DOCK3: variants seen among roughly 807,000 people sequenced by gnomAD.
DOCK3 encodes dedicator of cytokinesis protein 3.
A neutral mutation model predicts 265.6 loss-of-function variants in DOCK3; 60 were observed. That is an observed-to-expected ratio of 0.23 (90% CI 0.18 to 0.28). The LOEUF (loss-of-function observed/expected upper bound fraction) is 0.28. DOCK3 is among the 10% of genes least tolerant of loss of function. DOCK3 has a pLI of 1.00. For synonymous variants in DOCK3, 881 were observed against 938.0 expected, an observed-to-expected ratio of 0.94 and a Z score of 1.11; for missense variants, 1,981 against 2,594.3, an observed-to-expected ratio of 0.76 and a Z score of 5.14.
At chr3:50,751,222 A>G (rs1367887078) in intron 1 of DOCK3, among the ~76,000 whole-genome samples, 1 of 151,976 alleles carries the variant, frequency 6.6e-6, no homozygotes, top group African/African-American at 2.4e-5. Context: ...TGACTTTTTT[A>G]TATGTCCTTT....
At chr3:50,976,659 CT>C (rs2077462267) in intron 5 of DOCK3, among the ~76,000 whole-genome samples, 1 of 151,974 alleles carries the variant, frequency 6.6e-6, no homozygotes, top group Admixed American at 6.6e-5. Context: ...TCTATTAGGT[CT>C]GCTTGGTGCA....
chr3:51,368,975 G>C (rs1324975154), intron 49 of DOCK3, among the ~76,000 whole-genome samples: 1 of 152,202 alleles, frequency 6.6e-6, no homozygotes, highest in Non-Finnish European at 1.5e-5. Flanking sequence ...GCAGCTGAGG[G>C]TCCTGACTGT....
At chr3:51,173,690 A>G (rs2086800101) in intron 12 of DOCK3, among the ~76,000 whole-genome samples, 1 of 152,168 alleles carries the variant, frequency 6.6e-6, no homozygotes, top group Non-Finnish European at 1.5e-5. Flanking sequence ...CTGATATTCT[A>G]ATAGAGATTC....
chr3:50,780,797 T>C (rs536920288), intron 2 of DOCK3, among the ~76,000 whole-genome samples: 2 of 152,276 alleles, frequency 1.3e-5, no homozygotes, highest in Non-Finnish European at 2.9e-5. Flanking sequence ...CTAGTTGTAA[T>C]TTTGTATCCT....
At chr3:51,243,197 TG>T (rs1164825808) in intron 21 of DOCK3, among the ~76,000 whole-genome samples, 4 of 152,210 alleles carry the variant, frequency 2.6e-5, no homozygotes, top group Non-Finnish European at 5.9e-5. Flanking sequence ...TGGCCATCCC[TG>T]GCTGTGCACC....
chr3:51,206,713 C>T (rs1354493167), intron 12 of DOCK3, among the ~76,000 whole-genome samples: 1 of 152,130 alleles, frequency 6.6e-6, no homozygotes, highest in Non-Finnish European at 1.5e-5. Context: ...AAAGTTCGAC[C>T]TCTAACCTGT....
intron 32 of DOCK3, among the ~76,000 whole-genome samples, chr3:51,320,462 G>A (rs553448209): frequency 1.6e-4 from 24 of 151,932 alleles, no homozygotes; most frequent in African/African-American, 4.3e-4. Flanking sequence ...CACCTGGAAC[G>A]CCAGTGAGAC....
intron 12 of DOCK3, among the ~76,000 whole-genome samples, chr3:51,197,225 G>A (rs550466323): frequency 6.6e-6 from 1 of 151,982 alleles, no homozygotes; most frequent in Non-Finnish European, 1.5e-5. Flanking sequence ...TGCCAGGTGG[G>A]CCAGTGATAG....
chr3:50,935,549 T>C (rs1249267405), intron 5 of DOCK3, among the ~76,000 whole-genome samples: 1 of 152,174 alleles, frequency 6.6e-6, no homozygotes, highest in Non-Finnish European at 1.5e-5. Flanking sequence ...ATTTCTACTT[T>C]CCTTGTTGTA....
At chr3:51,265,015 G>A (rs938673957) in intron 23 of DOCK3, among the ~76,000 whole-genome samples, 1 of 151,836 alleles carries the variant, frequency 6.6e-6, no homozygotes, top group African/African-American at 2.4e-5. Flanking sequence ...TGTGATAAAG[G>A]GGCAATCACC....
intron 22 of DOCK3, among the ~76,000 whole-genome samples, chr3:51,253,043 A>G (rs111824814): frequency 6.6e-6 from 1 of 152,124 alleles, no homozygotes; most frequent in African/African-American, 2.4e-5. Context: ...TCCCATCAAT[A>G]CCTAGTTTGT....
At chr3:50,984,502 C>G (rs2077821327) in intron 5 of DOCK3, among the ~76,000 whole-genome samples, 1 of 152,180 alleles carries the variant, frequency 6.6e-6, no homozygotes, top group African/African-American at 2.4e-5. Context: ...TCATATAGTA[C>G]TTTTGGCTGG....
intron 4 of DOCK3, among the ~76,000 whole-genome samples, chr3:50,893,987 G>T (rs538821395): frequency 5.8e-5 from 7 of 119,910 alleles, no homozygotes; most frequent in African/African-American, 2.2e-4. Context: ...GTGAGGGGAG[G>T]GGGGAGGGGG....
In DOCK3 at chr3:51,205,171, AAAAT is replaced by A. The variant is rs565449992; in HGVS notation, c.1038-3585_1038-3582del. On this transcript the variant is annotated intron_variant, in intron 12 of 52. Coordinates refer to ENST00000266037, the MANE Select transcript of DOCK3 (RefSeq NM_004947.5). Reference sequence around the variant, plus strand: ...CGCTAAAACTTAAAGTATAATAATAAAAATAAATAAATAAATAAATACAGTGAAA... The same window carrying A: ...CGCTAAAACTTAAAGTATAATAATAAAAATAAATAAATAAATACAGTGAAA... Among the ~76,000 whole-genome samples the A allele has an allele frequency of 4.2e-3, 637 of 152,090 alleles. 7 individuals carry two copies. Among genetic ancestry groups the A allele is most frequent in the African/African-American group, 0.012 (492 of 41,482 alleles).
intron 1 of DOCK3, among the ~76,000 whole-genome samples, chr3:50,750,439 C>T (rs1344938441): frequency 6.6e-6 from 1 of 151,146 alleles, no homozygotes; most frequent in Non-Finnish European, 1.5e-5. Flanking sequence ...AAGCTATTCT[C>T]CTGCCTCAGC....
chr3:50,728,529 A>G (rs1365688224), intron 1 of DOCK3, among the ~76,000 whole-genome samples: 1 of 152,164 alleles, frequency 6.6e-6, no homozygotes, highest in African/African-American at 2.4e-5. Flanking sequence ...GTTTTTTGAA[A>G]GTATTGATAA....
In DOCK3 at chr3:51,200,383, T is replaced by A. The variant is rs545917298; in HGVS notation, c.1038-8391T>A. Among the ~76,000 whole-genome samples the A allele has an allele frequency of 2.1e-5, 3 of 146,188 alleles. No individual in the cohort carries two copies. In the East Asian group the frequency reaches 6.0e-4, roughly 29 times the overall value. On this transcript the variant is annotated intron_variant, in intron 12 of 52. Transcript: ENST00000266037. The stretch of plus-strand genomic sequence containing the variant: ...CAAGGCTCGAGAACAACGTGAAGAA[T>A]GCAGAAGCCTCAGGAGCCGATGCGA...
chr3:51,072,101 A>G (rs536538102), intron 6 of DOCK3, among the ~76,000 whole-genome samples: 1 of 152,318 alleles, frequency 6.6e-6, no homozygotes, highest in African/African-American at 2.4e-5. Flanking sequence ...TCAAGAGAGG[A>G]TTAACATGAA....
intron 5 of DOCK3, among the ~76,000 whole-genome samples, chr3:50,975,236 C>T (rs1369571520): frequency 6.7e-6 from 1 of 149,930 alleles, no homozygotes; most frequent in East Asian, 2.0e-4. Flanking sequence ...AAAGGGAATG[C>T]TTCCAGTTTT....
Sources: gnomAD v4.1 joint callset for allele counts (sites outside exome capture counted in the v4.1 genomes callset) on GRCh38, gnomAD v4.1.1 for gene constraint, MANE v1.5 for transcripts, NCBI Gene and HGNC (gene_info 2026-07-23, HGNC 2026-07-21) for gene names.